The following GAR1 variants were observed in gnomAD, a reference collection of about 807,000 sequenced individuals.
The protein encoded by GAR1 is GAR1 ribonucleoprotein, also known as H/ACA ribonucleoprotein complex subunit 1.
A neutral mutation model predicts 29.3 loss-of-function variants in GAR1; 11 were observed. The observed-to-expected ratio is 0.38, with a 90% CI of 0.24 to 0.62. The LOEUF is 0.62. Ranked by LOEUF, GAR1 falls within the 20% of genes least tolerant of loss-of-function variation. The probability of loss-of-function intolerance (pLI) is 0.62; values close to 1 mark genes in which losing one functional copy is unlikely to be tolerated. For missense variants in GAR1, 237 were observed against 268.4 expected (o/e 0.88, Z 0.82); for synonymous variants, 87 against 93.3 (o/e 0.93, Z 0.39).
At chr4:109,822,216 G>A in intron 4 of GAR1, 131 bp from the exon 5 acceptor site, 1 of 568,014 alleles carries the variant, frequency 1.8e-6, no homozygotes. Flanking sequence ...TCTCTACCCA[G>A]GGATATGTAG....
At chr4:109,824,088 G>A (rs1733589656) in intron 6 of GAR1, 55 bp downstream of exon 6, 1 of 1,171,118 alleles carries the variant, frequency 8.5e-7, no homozygotes, top group Non-Finnish European at 1.3e-6. Context: ...GATATTATCT[G>A]GCATTTTCTG....
intron 2 of GAR1, 102 bp from the exon 3 acceptor site, chr4:109,817,834 T>A: frequency 1.2e-6 from 1 of 859,790 alleles, no homozygotes; most frequent in Non-Finnish European, 1.8e-6. Context: ...GGAGAGCAGT[T>A]ATGGTGAAGT....
At chr4:109,823,123 A>T (rs1283304274) in intron 5 of GAR1, among the ~76,000 whole-genome samples, 4 of 152,130 alleles carry the variant, frequency 2.6e-5, no homozygotes, top group Non-Finnish European at 5.9e-5. Context: ...GGGCACATTC[A>T]TCATTATGGA....
intron 2 of GAR1, among the ~76,000 whole-genome samples, chr4:109,817,578 G>C (rs1733386758): frequency 6.6e-6 from 1 of 152,222 alleles, no homozygotes; most frequent in South Asian, 2.1e-4. Flanking sequence ...TAACATAACT[G>C]TTACAGGTTG....
At chr4:109,818,390 G>A (rs1414355547) in intron 3 of GAR1, among the ~76,000 whole-genome samples, 1 of 151,960 alleles carries the variant, frequency 6.6e-6, no homozygotes, top group Non-Finnish European at 1.5e-5. Flanking sequence ...TGTAGAATTA[G>A]AAGTTGTTTG....
chr4:109,824,678 A>G lies in GAR1; in HGVS notation c.*247A>G. 2 of 388,242 alleles carry G rather than the reference A, an allele frequency of 5.2e-6. No homozygotes were observed. Among genetic ancestry groups the G allele is most frequent in the Non-Finnish European group, 9.3e-6 (2 of 215,036 alleles). 24.0% of individuals were successfully genotyped at this position (388,242 alleles called of 1,614,324 possible). On this transcript the variant is annotated 3_prime_UTR_variant, in exon 7 of 7. Transcript: ENST00000226796. ...CACTCTGTGGGTGCTCAATAAATGG[A>G]TAGGAGTTTTCATTTGAAGCATATT...
chr4:109,815,910 G>T, intron 1 of GAR1, 106 bp downstream of exon 1: 1 of 548,398 alleles, frequency 1.8e-6, no homozygotes. Context: ...CTTGCTGTCT[G>T]TAGGGGGAGG....
chr4:109,823,067 A>G (rs1246617654), intron 5 of GAR1, among the ~76,000 whole-genome samples: 1 of 152,090 alleles, frequency 6.6e-6, no homozygotes, highest in Non-Finnish European at 1.5e-5. Flanking sequence ...GTTTTGGGGT[A>G]TTTTGATGTA....
At chr4:109,824,378 A>G (rs1443324104) in intron 6 of GAR1, 40 bp from the exon 7 acceptor site, 1 of 1,447,498 alleles carries the variant, frequency 6.9e-7, no homozygotes, top group Non-Finnish European at 9.7e-7. Flanking sequence ...TTAAAAATCC[A>G]TTTTCTGTGC....
chr4:109,822,356 G>C lies in GAR1; in HGVS notation c.439G>C (p.Asp147His), dbSNP rs1410949363. 3 of 1,568,518 alleles carry C rather than the reference G, an allele frequency of 1.9e-6. No homozygotes were observed. In the African/African-American group the frequency reaches 4.1e-5, roughly 21 times the overall value. The change falls in exon 5 of 7, where the codon GAC becomes CAC. Residue 147 changes from aspartate (D) to histidine (H), a missense_variant. Asp to His is a moderately conservative substitution (Grantham distance 81, BLOSUM62 -1). Coordinates refer to ENST00000226796, the MANE Select transcript of GAR1 (RefSeq NM_018983.4). Reference protein sequence around the residue: ...SFKKLQKFYIDPYKLLPLQRF... With the variant: ...SFKKLQKFYIHPYKLLPLQRF... ...TCTATTATGTTTCCAGTTTTATATA[G>C]ACCCATATAAGCTGCTGCCACTGCA...
chr4:109,824,045 A>G lies in GAR1; in HGVS notation c.640+12A>G. ...TGGTGGTTTCAGAGGTGAGTATTTTAAAAAGTCTTTAAATTGCTTAATGTT... is the reference window on the plus strand; with the variant it reads ...TGGTGGTTTCAGAGGTGAGTATTTTGAAAAGTCTTTAAATTGCTTAATGTT... On this transcript the variant is annotated intron_variant, in intron 6 of 6. Transcript: ENST00000226796. The G allele has an allele frequency of 6.4e-7, 1 of 1,553,136 alleles. No homozygotes were observed. Among genetic ancestry groups the G allele is most frequent in the Non-Finnish European group, 8.9e-7 (1 of 1,129,206 alleles).
rs1579352441 is a variant in GAR1, at chr4:109,819,073, TATG to T, written c.429+16_429+18del. The T allele has an allele frequency of 7.1e-7, 1 of 1,408,132 alleles. No individual in the cohort carries two copies. The highest frequency in any genetic ancestry group is 1.4e-5 in the African/African-American group (1 of 70,992). 87.2% of individuals were successfully genotyped at this position (1,408,132 alleles called of 1,614,324 possible). A position where few individuals can be genotyped will look rare whatever the true frequency, so the allele number is the denominator to read the frequency against. On this transcript the variant is annotated intron_variant, in intron 4 of 6. Transcript: ENST00000226796. Reference sequence around the variant, plus strand: ...AAAACTACAGAAGGTGAGTCAAACTTATGATACTTGGGATCCTTGGTTTTATAA... The same window carrying T: ...AAAACTACAGAAGGTGAGTCAAACTTATACTTGGGATCCTTGGTTTTATAA...
At chr4:109,816,440 G>T in intron 2 of GAR1, 62 bp downstream of exon 2, 1 of 1,502,266 alleles carries the variant, frequency 6.7e-7, no homozygotes. Context: ...GGTTTGTGTT[G>T]TTAGGCAGCA....
chr4:109,820,828 CAG>C (rs987958134), intron 4 of GAR1, among the ~76,000 whole-genome samples: 3 of 152,002 alleles, frequency 2.0e-5, no homozygotes, highest in African/African-American at 7.2e-5. Context: ...GGCAAGTACT[CAG>C]GGGATTGACT....
At position 109,816,079 on chromosome 4, in the gene GAR1, C is replaced by T. The variant is rs1015547450; in HGVS notation, c.-12-74C>T. Reference sequence around the variant, plus strand: ...TTTGTCTCCTTTATGGTGTTCTCACCGCAGCTCCGAGGGGTTGGAGTATAC... The same window carrying T: ...TTTGTCTCCTTTATGGTGTTCTCACTGCAGCTCCGAGGGGTTGGAGTATAC... On this transcript the variant is annotated intron_variant, in intron 1 of 6. Coordinates refer to ENST00000226796, the MANE Select transcript of GAR1 (RefSeq NM_018983.4). 3.6e-6 allele frequency: 5 copies of T among 1,402,780 alleles called. No individual in the cohort carries two copies. In the East Asian group the frequency reaches 9.1e-5, roughly 26 times the overall value. The allele number at this position is 1,402,780 out of a possible 1,614,324, so 86.9% of individuals were successfully genotyped here.
In GAR1 at chr4:109,824,421, G is replaced by T. The variant is rs1733597952; in HGVS notation, c.644G>T (p.Arg215Ile). The T allele has an allele frequency of 6.3e-7, 1 of 1,587,968 alleles. No individual in the cohort carries two copies. The highest frequency in any genetic ancestry group is 8.6e-7 in the Non-Finnish European group (1 of 1,156,788). ...ACTTTAATTTTCTCTTAATCAGGGA[G>T]AGGACATTAAGTGAAACAGTTGACA... ...RGGRGGGFRG[R>I]GH Residue 215 changes from arginine (R) to isoleucine (I), a missense_variant, in exon 7 of 7, where the codon AGA (arginine) becomes ATA (isoleucine). Transcript: ENST00000226796.
chr4:109,823,961 T>C lies in GAR1; in HGVS notation c.572-4T>C. Reference sequence around the variant, plus strand: ...TGCGTTATTATTTAATAAATGTTTTTTAGGTGGTTTTAGAGGTGGAAGAGG... The same window carrying C: ...TGCGTTATTATTTAATAAATGTTTTCTAGGTGGTTTTAGAGGTGGAAGAGG... On this transcript the variant is annotated splice_region_variant and splice_polypyrimidine_tract_variant and intron_variant, in intron 5 of 6. Coordinates refer to ENST00000226796, the MANE Select transcript of GAR1 (RefSeq NM_018983.4). 6.3e-7 allele frequency: 1 copy of C among 1,586,264 alleles called. No individual in the cohort carries two copies. Among genetic ancestry groups the C allele is most frequent in the Non-Finnish European group, 8.6e-7 (1 of 1,156,236 alleles).
chr4:109,820,040 A>G (rs60898989), intron 4 of GAR1, among the ~76,000 whole-genome samples: 6,784 of 152,272 alleles, frequency 0.045, 492 homozygotes, highest in African/African-American at 0.15. Flanking sequence ...GAATACTGGG[A>G]AGATAAAAAG....
rs1194368005 is a variant in GAR1, at chr4:109,816,272, A to AGGC, written c.115_117dup (p.Gly39dup). 3.7e-6 allele frequency: 6 copies of AGGC among 1,610,274 alleles called. No homozygotes were observed. Among genetic ancestry groups the AGGC allele is most frequent in the African/African-American group, 1.3e-5 (1 of 74,608 alleles). ...ACTTCCGAGGTGGAGGCGGCGGTGGAGGCGGCGGCAATTTCAGAGGCGGCG... is the reference window on the plus strand; with the variant it reads ...ACTTCCGAGGTGGAGGCGGCGGTGGAGGCGGCGGCGGCAATTTCAGAGGCGGCG... On this transcript the variant is annotated inframe_insertion, in exon 2 of 7. Transcript: ENST00000226796.
Sources: gnomAD v4.1 joint callset for allele counts (sites outside exome capture counted in the v4.1 genomes callset) on GRCh38, gnomAD v4.1.1 for gene constraint, MANE v1.5 for transcripts, NCBI Gene and HGNC (gene_info 2026-07-23, HGNC 2026-07-21) for gene names.